CALU: variants seen among roughly 807,000 people sequenced by gnomAD.
CALU encodes IEF SSP 9302.
Under a neutral mutation model 37.5 loss-of-function variants are expected in CALU, and 13 were observed. The ratio of observed to expected loss-of-function variants is 0.35; its 90% confidence interval spans 0.23 to 0.55. CALU has a LOEUF of 0.55. Among genes scored for constraint, CALU ranks in the 20% least tolerant of loss-of-function variants. CALU has a pLI of 0.89. For missense variants in CALU, 282 were observed against 391.7 expected (o/e 0.72, Z 2.36); for synonymous variants, 114 against 133.8 (o/e 0.85, Z 1.02).
At chr7:128,743,076 G>A (rs1256345877) in intron 1 of CALU, among the ~76,000 whole-genome samples, 1 of 151,602 alleles carries the variant, frequency 6.6e-6, no homozygotes, top group East Asian at 1.9e-4. Context: ...TATACCAATC[G>A]CAATTCACAC....
rs1367423732 is a variant in CALU at position 128,772,627 on chromosome 7, C to T, written c.*3460C>T. 43 of 1,613,988 alleles carry T rather than the reference C, an allele frequency of 2.7e-5. No homozygotes were observed. The highest frequency in any genetic ancestry group is 3.5e-5 in the Non-Finnish European group (41 of 1,180,018). On this transcript the variant is annotated 3_prime_UTR_variant, in exon 7 of 7. Transcript: ENST00000249364. Reference sequence around the variant, plus strand: ...TGTCGGATTCATCTGTCATGGCCTTCCCACACACCATCTTCATGATGCAAG... The same window carrying T: ...TGTCGGATTCATCTGTCATGGCCTTTCCACACACCATCTTCATGATGCAAG...
chr7:128,757,422 T>A (rs1287673541), intron 3 of CALU, among the ~76,000 whole-genome samples: 2 of 151,816 alleles, frequency 1.3e-5, no homozygotes, highest in Non-Finnish European at 2.9e-5. Flanking sequence ...TATGACTCGT[T>A]AAGCTGTCTG....
chr7:128,743,162 T>C (rs527650152), intron 1 of CALU, among the ~76,000 whole-genome samples: 1 of 152,258 alleles, frequency 6.6e-6, no homozygotes, highest in East Asian at 1.9e-4. Context: ...CTAGATTTTT[T>C]TTTTTTCCCA....
intron 5 of CALU, among the ~76,000 whole-genome samples, chr7:128,761,115 C>A (rs1039963182): frequency 6.6e-6 from 1 of 152,070 alleles, no homozygotes; most frequent in Admixed American, 6.5e-5. Context: ...AAGTTTCTCC[C>A]TTTTGACATT....
intron 1 of CALU, among the ~76,000 whole-genome samples, chr7:128,740,283 T>C (rs1800183396): frequency 6.6e-6 from 1 of 152,232 alleles, no homozygotes; most frequent in Non-Finnish European, 1.5e-5. Context: ...TTCCTAAGTG[T>C]ATAAAATTCT....
rs1034716576 is a variant in CALU at position 128,769,714 on chromosome 7, A to G, written c.*547A>G. 8 of 152,278 alleles carry G rather than the reference A, an allele frequency of 5.3e-5. No individual in the cohort carries two copies. Among genetic ancestry groups the G allele is most frequent in the African/African-American group, 1.2e-4 (5 of 41,452 alleles). The allele number at this position is 152,278 out of a possible 1,614,324, so 9.4% of individuals were successfully genotyped here. A position where few individuals can be genotyped will look rare whatever the true frequency, so the allele number is the denominator to read the frequency against. On this transcript the variant is annotated 3_prime_UTR_variant, in exon 7 of 7. Transcript: ENST00000249364. ...GGGCCACATATTACATTCAGTTGCTATAGGTCCAGCAACTGAACCTGCCAT... is the reference window on the plus strand; with the variant it reads ...GGGCCACATATTACATTCAGTTGCTGTAGGTCCAGCAACTGAACCTGCCAT...
chr7:128,753,965 A>C (rs937058712), intron 2 of CALU, among the ~76,000 whole-genome samples: 1 of 152,246 alleles, frequency 6.6e-6, no homozygotes, highest in Non-Finnish European at 1.5e-5. Flanking sequence ...AAGAGTGGAG[A>C]ACTTGGATAG....
chr7:128,751,286 CAAA>C (rs34162068), intron 2 of CALU, among the ~76,000 whole-genome samples: 16 of 104,294 alleles, frequency 1.5e-4, no homozygotes, highest in Admixed American at 2.1e-4. Flanking sequence ...GACTCCGTCT[CAAA>C]AAAAAAAAAA....
At chr7:128,749,789 A>G (rs1353061448) in intron 2 of CALU, among the ~76,000 whole-genome samples, 6 of 152,198 alleles carry the variant, frequency 3.9e-5, no homozygotes, top group Admixed American at 3.9e-4. Context: ...ATATTTTGCT[A>G]TGTAGAATGA....
At chr7:128,757,315 C>A (rs1800923011) in intron 3 of CALU, among the ~76,000 whole-genome samples, 1 of 151,284 alleles carries the variant, frequency 6.6e-6, no homozygotes, top group Non-Finnish European at 1.5e-5. Context: ...CTGAGAAAGG[C>A]TTGTTTGCCT....
chr7:128,757,392 T>TAC (rs1554365559), intron 3 of CALU, among the ~76,000 whole-genome samples: 3 of 151,646 alleles, frequency 2.0e-5, no homozygotes, highest in Non-Finnish European at 4.4e-5. Flanking sequence ...TGTGTGTGTG[T>TAC]ACACAGGATC....
intron 3 of CALU, among the ~76,000 whole-genome samples, chr7:128,754,959 A>AT (rs1194843420): frequency 6.6e-6 from 1 of 151,632 alleles, no homozygotes; most frequent in African/African-American, 2.4e-5. Context: ...ATATTTTACC[A>AT]TTTTTTCTTT....
chr7:128,740,993 C>G (rs1800219779), intron 1 of CALU, among the ~76,000 whole-genome samples: 1 of 152,204 alleles, frequency 6.6e-6, no homozygotes, highest in Admixed American at 6.5e-5. Flanking sequence ...CTCAGCCTCC[C>G]AAGTAGCTGA....
chr7:128,745,195 G>C (rs1317511476), intron 1 of CALU, among the ~76,000 whole-genome samples: 1 of 152,172 alleles, frequency 6.6e-6, no homozygotes, highest in Non-Finnish European at 1.5e-5. Context: ...AAAATCCTTT[G>C]TTGCAGTGAC....
Position 128,767,874 on chromosome 7 carries a change from A to C in CALU, c.843+219A>C, listed in dbSNP as rs538489884. Among the ~76,000 whole-genome samples, 30 of 152,296 alleles carry C rather than the reference A, an allele frequency of 2.0e-4. No individual in the cohort carries two copies. The East Asian group carries it at 5.6e-3, about 28-fold the overall frequency. On this transcript the variant is annotated intron_variant, in intron 6 of 6. Coordinates refer to ENST00000249364, the MANE Select transcript of CALU (RefSeq NM_001219.5). ...GCCCAGTGCTGATAGCATTGTAGGA[A>C]ATTTGGCTTCAGAAAAGAGCCTTTG...
rs2128885194 is a variant in CALU at position 128,772,362 on chromosome 7, AGCTTT to A, written c.*3197_*3201del. The A allele has an allele frequency of 1.4e-6, 1 of 695,566 alleles. No homozygotes were observed. Among genetic ancestry groups the A allele is most frequent in the East Asian group, 2.8e-5 (1 of 35,898 alleles). 43.1% of individuals were successfully genotyped at this position (695,566 alleles called of 1,614,324 possible). A position where few individuals can be genotyped will look rare whatever the true frequency, so the allele number is the denominator to read the frequency against. ...TCTGAAATAGACCAGTGGAAACAGT[AGCTTT>A]GTAGGCAAGAAGGCAATAGTAAGAA... On this transcript the variant is annotated 3_prime_UTR_variant, in exon 7 of 7. Transcript: ENST00000249364.
chr7:128,769,844 C>T lies in CALU; in HGVS notation c.*677C>T, dbSNP rs925293935. 6.6e-6 allele frequency: 1 copy of T among 152,182 alleles called. No homozygotes were observed. Among genetic ancestry groups the T allele is most frequent in the African/African-American group, 2.4e-5 (1 of 41,424 alleles). 9.4% of individuals were successfully genotyped at this position (152,182 alleles called of 1,614,324 possible). A position where few individuals can be genotyped will look rare whatever the true frequency, so the allele number is the denominator to read the frequency against. ...GACTGTTGGCTAATTTTGTCAAGCA[C>T]AGCTGTGGTGGGAAGAGTTAGGGCC... On this transcript the variant is annotated 3_prime_UTR_variant, in exon 7 of 7. Coordinates refer to ENST00000249364, the MANE Select transcript of CALU (RefSeq NM_001219.5).
chr7:128,758,775 A>G lies in CALU; in HGVS notation c.416-96A>G. 4.7e-6 allele frequency: 4 copies of G among 856,772 alleles called. No homozygotes were observed. The South Asian group carries it at 5.0e-5, about 11-fold the overall frequency. The allele number at this position is 856,772 out of a possible 1,614,324, so 53.1% of individuals were successfully genotyped here. A position where few individuals can be genotyped will look rare whatever the true frequency, so the allele number is the denominator to read the frequency against. On this transcript the variant is annotated intron_variant, in intron 3 of 6. Coordinates refer to ENST00000249364, the MANE Select transcript of CALU (RefSeq NM_001219.5). ...GTGTCATCAATTATTTCTTCCTTGC[A>G]TGGTTTTATCTTTATTGGAAATTGA...
At chr7:128,744,895 T>C (rs1306500026) in intron 1 of CALU, among the ~76,000 whole-genome samples, 1 of 152,192 alleles carries the variant, frequency 6.6e-6, no homozygotes, top group East Asian at 1.9e-4. Flanking sequence ...TGGCTTCTAC[T>C]CTTTGGAATT....
Sources: gnomAD v4.1 joint callset for allele counts (sites outside exome capture counted in the v4.1 genomes callset) on GRCh38, gnomAD v4.1.1 for gene constraint, MANE v1.5 for transcripts, NCBI Gene and HGNC (gene_info 2026-07-23, HGNC 2026-07-21) for gene names.